Variants in VPS13B observed in about 807,000 individuals in gnomAD.
The protein encoded by VPS13B is intermembrane lipid transfer protein VPS13B.
VPS13B carries 285 observed loss-of-function variants against 426.4 expected under a neutral mutation model. The observed-to-expected ratio is 0.67, with a 90% CI of 0.61 to 0.74. The LOEUF is 0.74. Ranked by LOEUF, VPS13B falls within the 30% of genes least tolerant of loss-of-function variation. The probability of loss-of-function intolerance (pLI) is 0.00; values close to 1 mark genes in which losing one functional copy is unlikely to be tolerated. For synonymous variants in VPS13B, 1,676 were observed against 1,676.4 expected (o/e 1.00, Z 0.01); for missense variants, 4,537 against 4,782.6 (o/e 0.95, Z 1.51).
At chr8:99,200,830 T>A (rs1287672900) in intron 17 of VPS13B, among the ~76,000 whole-genome samples, 2 of 152,132 alleles carry the variant, frequency 1.3e-5, no homozygotes, top group Non-Finnish European at 2.9e-5. Context: ...CCTGTAATTT[T>A]GTGGGTTGTC....
intron 3 of VPS13B, among the ~76,000 whole-genome samples, chr8:99,066,545 A>G (rs917903875): frequency 7.2e-5 from 11 of 152,238 alleles, no homozygotes; most frequent in Admixed American, 6.5e-5. Context: ...AAACCACAAA[A>G]ACCCTAGAAG....
At chr8:99,575,115 A>G (rs1340622515) in intron 31 of VPS13B, among the ~76,000 whole-genome samples, 1 of 152,152 alleles carries the variant, frequency 6.6e-6, no homozygotes, top group African/African-American at 2.4e-5. Flanking sequence ...ACAGTGAGCC[A>G]TGATTGCACC....
chr8:99,610,405 C>T (rs756905220), intron 33 of VPS13B, among the ~76,000 whole-genome samples: 1 of 152,180 alleles, frequency 6.6e-6, no homozygotes, highest in Non-Finnish European at 1.5e-5. Context: ...GAATACTACG[C>T]AGTCATAAAA....
chr8:99,501,515 G>A (rs1024939675), intron 25 of VPS13B, among the ~76,000 whole-genome samples, 172 bp from the exon 26 acceptor site: 1 of 152,080 alleles, frequency 6.6e-6, no homozygotes, highest in South Asian at 2.1e-4. Context: ...TTTGAGAAGT[G>A]TATGTTTATA....
rs144506797 is a variant in VPS13B, at chr8:99,482,959, G to A, written c.3870+1157G>A. Among the ~76,000 whole-genome samples, 435 of 152,120 alleles carry A rather than the reference G, an allele frequency of 2.9e-3. 3 individuals are homozygous for A. The highest frequency in any genetic ancestry group is 0.01 in the African/African-American group (416 of 41,510). ...GAGAACAGAACTTTCCCCAACGAGAGCAACTGTTCTATAGTAGATGGAGGT... is the reference window on the plus strand; with the variant it reads ...GAGAACAGAACTTTCCCCAACGAGAACAACTGTTCTATAGTAGATGGAGGT... On this transcript the variant is annotated intron_variant, in intron 25 of 61. Transcript: ENST00000357162.
At chr8:99,207,728 T>G (rs898769852) in intron 17 of VPS13B, among the ~76,000 whole-genome samples, 2 of 152,182 alleles carry the variant, frequency 1.3e-5, no homozygotes, top group African/African-American at 4.8e-5. Flanking sequence ...ATACTTTTTT[T>G]GCCTTATGTA....
intron 21 of VPS13B, among the ~76,000 whole-genome samples, chr8:99,412,761 T>C (rs1815757275): frequency 6.6e-6 from 1 of 152,204 alleles, no homozygotes; most frequent in Non-Finnish European, 1.5e-5. Context: ...ACCTAGTTTA[T>C]TGAGAGTTTT....
intron 19 of VPS13B, among the ~76,000 whole-genome samples, chr8:99,284,737 T>TG (rs56937393): frequency 2.0e-5 from 3 of 151,698 alleles, no homozygotes; most frequent in Admixed American, 6.6e-5. Flanking sequence ...TGTGTGTGTG[T>TG]TTTTGTAGAG....
chr8:99,118,126 T>C (rs575357341), intron 7 of VPS13B, among the ~76,000 whole-genome samples: 58 of 152,284 alleles, frequency 3.8e-4, no homozygotes, highest in Non-Finnish European at 6.9e-4. Context: ...ATACTTGATT[T>C]ATTTTTTTCC....
At chr8:99,301,495 G>A (rs1820365353) in intron 19 of VPS13B, among the ~76,000 whole-genome samples, 1 of 151,984 alleles carries the variant, frequency 6.6e-6, no homozygotes, top group Non-Finnish European at 1.5e-5. Flanking sequence ...TCTCCATGTT[G>A]GTCAGGCTGG....
chr8:99,443,886 T>C (rs1273681353), intron 23 of VPS13B, among the ~76,000 whole-genome samples: 3 of 152,198 alleles, frequency 2.0e-5, no homozygotes, highest in Non-Finnish European at 4.4e-5. Context: ...TTCTCAGGAA[T>C]TGCCAGACTG....
chr8:99,268,794 T>G (rs1276153055), intron 17 of VPS13B, among the ~76,000 whole-genome samples: 2 of 151,926 alleles, frequency 1.3e-5, no homozygotes, highest in Non-Finnish European at 2.9e-5. Flanking sequence ...GAACATGGGA[T>G]TTTGGGGGGG....
chr8:99,724,737 A>C (rs962199088), intron 39 of VPS13B, among the ~76,000 whole-genome samples: 3 of 152,290 alleles, frequency 2.0e-5, no homozygotes, highest in Non-Finnish European at 4.4e-5. Flanking sequence ...TAGACCACTA[A>C]AAAAGACTCC....
Position 99,111,000 on chromosome 8 carries a change from G to C in VPS13B, c.581-98G>C, listed in dbSNP as rs1847332548. 8 of 919,710 alleles carry C rather than the reference G, an allele frequency of 8.7e-6. No individual in the cohort carries two copies. In the South Asian group the frequency reaches 1.6e-4, roughly 19 times the overall value. 57.0% of individuals were successfully genotyped at this position (919,710 alleles called of 1,614,324 possible). A position where few individuals can be genotyped will look rare whatever the true frequency, so the allele number is the denominator to read the frequency against. On this transcript the variant is annotated intron_variant, in intron 5 of 61. Coordinates refer to ENST00000357162, the MANE Select transcript of VPS13B (RefSeq NM_152564.5). ...AAATGCTCCATGAATCTTATTTTCT[G>C]TTATTATTAATTTTATTACTATTTA...
chr8:99,696,498 C>T, intron 35 of VPS13B: 1 of 425,684 alleles, frequency 2.3e-6, no homozygotes, highest in Non-Finnish European at 4.5e-6. Flanking sequence ...GGTGCCGTTC[C>T]TTGTGTTCGT....
intron 39 of VPS13B, among the ~76,000 whole-genome samples, chr8:99,766,066 C>CT (rs71274933): frequency 0.57 from 29,724 of 52,228 alleles, 12,780 homozygotes; most frequent in Non-Finnish European, 0.66. Context: ...ACCTTCATTA[C>CT]TTTTTTTTTT....
chr8:99,835,742 A>G lies in VPS13B; in HGVS notation c.9942+4A>G, dbSNP rs772319548. Reference sequence around the variant, plus strand: ...CATCAACAGTCAGGGAACACAGGTCAGTGAGCCATGTGTTCCTGCCAAGAC... The same window carrying G: ...CATCAACAGTCAGGGAACACAGGTCGGTGAGCCATGTGTTCCTGCCAAGAC... On this transcript the variant is annotated splice_donor_region_variant and intron_variant, in intron 54 of 61. Coordinates refer to ENST00000357162, the MANE Select transcript of VPS13B (RefSeq NM_152564.5). 3 of 1,614,060 alleles carry G rather than the reference A, an allele frequency of 1.9e-6. No individual in the cohort carries two copies. Among genetic ancestry groups the G allele is most frequent in the Non-Finnish European group, 1.7e-6 (2 of 1,179,946 alleles).
intron 33 of VPS13B, among the ~76,000 whole-genome samples, chr8:99,631,634 A>G (rs531373635): frequency 2.0e-4 from 31 of 152,150 alleles, no homozygotes; most frequent in African/African-American, 7.0e-4. Context: ...TCTGACTAAA[A>G]AAAACTCAAA....
chr8:99,199,594 T>C (rs1367116861), intron 17 of VPS13B, among the ~76,000 whole-genome samples: 1 of 152,168 alleles, frequency 6.6e-6, no homozygotes, highest in Non-Finnish European at 1.5e-5. Flanking sequence ...CTACCAACAA[T>C]ATCCAGTTTT....
Sources: allele counts gnomAD v4.1 joint callset (sites outside exome capture counted in the v4.1 genomes callset), GRCh38; gene constraint gnomAD v4.1.1; transcripts MANE v1.5; gene names NCBI Gene and HGNC (gene_info 2026-07-23, HGNC 2026-07-21).